Variants in FRZB observed in about 807,000 individuals in gnomAD.
FRZB encodes frizzled related protein.
FRZB carries 34 observed loss-of-function variants against 32.5 expected under a neutral mutation model. The observed-to-expected ratio is 1.05, with a 90% CI of 0.80 to 1.39. FRZB has a LOEUF of 1.39. Among genes scored for constraint, FRZB ranks in the 40% most tolerant of loss-of-function variants. FRZB has a pLI of 0.00. For missense variants in FRZB, 423 were observed against 424.8 expected (o/e 1.00, Z 0.04); for synonymous variants, 170 against 159.2 (o/e 1.07, Z -0.51).
chr2:182,841,810 A>G (rs1429768572), intron 3 of FRZB, among the ~76,000 whole-genome samples: 1 of 152,210 alleles, frequency 6.6e-6, no homozygotes, highest in African/African-American at 2.4e-5. Flanking sequence ...GGCAGCTGAG[A>G]AAATTAAAGA....
chr2:182,849,009 C>T (rs2118589), intron 2 of FRZB, among the ~76,000 whole-genome samples: 1,736 of 152,098 alleles, frequency 0.011, 39 homozygotes, highest in African/African-American at 0.039. Context: ...GGGTGGATCA[C>T]GAGGTCAGGA....
intron 2 of FRZB, among the ~76,000 whole-genome samples, chr2:182,857,253 T>C (rs949906981): frequency 2.6e-5 from 4 of 151,712 alleles, no homozygotes; most frequent in African/African-American, 9.7e-5. Flanking sequence ...TGAAGAAAAA[T>C]GAAACTATCA....
chr2:182,864,969 T>C (rs1695874603), intron 1 of FRZB, among the ~76,000 whole-genome samples: 1 of 152,208 alleles, frequency 6.6e-6, no homozygotes, highest in Non-Finnish European at 1.5e-5. Context: ...TTGGGTTAGT[T>C]GGTAGAAGTA....
At chr2:182,861,463 G>A (rs969503516) in intron 1 of FRZB, among the ~76,000 whole-genome samples, 7 of 152,180 alleles carry the variant, frequency 4.6e-5, no homozygotes, top group African/African-American at 7.2e-5. Context: ...AGGATGACAC[G>A]TCCTCTCCCC....
At chr2:182,850,199 C>A (rs74845397) in intron 2 of FRZB, among the ~76,000 whole-genome samples, 1 of 152,112 alleles carries the variant, frequency 6.6e-6, no homozygotes, top group East Asian at 1.9e-4. Context: ...AGGGTAATAT[C>A]CACCACATTA....
At chr2:182,858,237 C>A (rs1482460329) in intron 2 of FRZB, among the ~76,000 whole-genome samples, 3 of 152,196 alleles carry the variant, frequency 2.0e-5, no homozygotes, top group Non-Finnish European at 4.4e-5. Context: ...TTGCTCCAAA[C>A]TGGAGACAAC....
chr2:182,835,029 T>G, intron 5 of FRZB, 64 bp from the exon 6 acceptor site: 1 of 1,189,002 alleles, frequency 8.4e-7, no homozygotes, highest in East Asian at 2.3e-5. Flanking sequence ...TTTCCATGAT[T>G]CTAACAACTG....
At chr2:182,851,079 G>GT (rs1189306905) in intron 2 of FRZB, among the ~76,000 whole-genome samples, 2 of 151,964 alleles carry the variant, frequency 1.3e-5, no homozygotes, top group African/African-American at 4.8e-5. Context: ...TTTTTGTTTT[G>GT]TTTTTGCTAT....
intron 2 of FRZB, among the ~76,000 whole-genome samples, chr2:182,847,779 T>C (rs1299224845): frequency 6.6e-6 from 1 of 152,198 alleles, no homozygotes; most frequent in Non-Finnish European, 1.5e-5. Flanking sequence ...TTTCATCAAA[T>C]AGAAAGGCAA....
rs1366062663 is a variant in FRZB, at chr2:182,837,953, CT to C, written c.855del (p.Val286LeufsTer6). ...AEKWKDRLGK[K>X]VKRWDMKLRH... ...AACATAAAATACAGGCTTACCTTAA[CT>C]TTTTTACCGAGTCGATCCTTCCACT... On this transcript the variant is annotated frameshift_variant, in exon 5 of 6. Transcript: ENST00000295113. LOFTEE classifies it high-confidence loss of function. 2 of 1,611,186 alleles carry C rather than the reference CT, an allele frequency of 1.2e-6. No homozygotes were observed. The highest frequency in any genetic ancestry group is 8.5e-7 in the Non-Finnish European group (1 of 1,178,196).
Position 182,861,141 on chromosome 2 carries a change from T to C in FRZB, c.479-2308A>G, listed in dbSNP as rs1695827565. ...TTTATTCTCTTAAGCCATAGATAAGTGTACTTCAAAATACAATGAGAAAAC... is the reference window on the plus strand; with the variant it reads ...TTTATTCTCTTAAGCCATAGATAAGCGTACTTCAAAATACAATGAGAAAAC... On this transcript the variant is annotated intron_variant, in intron 1 of 5. Transcript: ENST00000295113. Among the ~76,000 whole-genome samples the C allele has an allele frequency of 2.0e-5, 3 of 152,214 alleles. No individual in the cohort carries two copies. In the South Asian group the frequency reaches 6.2e-4, roughly 32 times the overall value.
Position 182,866,570 on chromosome 2 carries a change from GC to G in FRZB, c.-19del. On this transcript the variant is annotated 5_prime_UTR_variant, in exon 1 of 6. Transcript: ENST00000295113. The surrounding 1 kb of genome is among the most constrained non-coding windows in gnomAD (Gnocchi z 4.5). ...CAGACCATGATCCCGGCAGGATGGG[GC>G]AGGGTGCAGCCGCGCAGTGGACGCC... 1 of 1,429,238 alleles carries G rather than the reference GC, an allele frequency of 7.0e-7. No individual in the cohort carries two copies. Among genetic ancestry groups the G allele is most frequent in the Non-Finnish European group, 9.2e-7 (1 of 1,092,312 alleles). 88.5% of individuals were successfully genotyped at this position (1,429,238 alleles called of 1,614,324 possible).
chr2:182,855,997 G>T (rs1002332605), intron 2 of FRZB, among the ~76,000 whole-genome samples: 1 of 152,118 alleles, frequency 6.6e-6, no homozygotes, highest in Non-Finnish European at 1.5e-5. Flanking sequence ...TATTTTTTAT[G>T]TGCTAAATGT....
At chr2:182,861,407 A>G (rs142963813) in intron 1 of FRZB, among the ~76,000 whole-genome samples, 4 of 152,332 alleles carry the variant, frequency 2.6e-5, no homozygotes, top group South Asian at 2.1e-4. Context: ...CACCTAGAAC[A>G]TAAGTGTTGG....
intron 2 of FRZB, among the ~76,000 whole-genome samples, chr2:182,854,412 G>T (rs192202764): frequency 8.9e-4 from 136 of 152,248 alleles, no homozygotes; most frequent in Admixed American, 2.2e-3. Flanking sequence ...CAGGAAGACT[G>T]GGGGGAGAAA....
chr2:182,866,593 C>A lies in FRZB; in HGVS notation c.-41G>T. On this transcript the variant is annotated 5_prime_UTR_variant, in exon 1 of 6. Transcript: ENST00000295113. This position sits in a 1 kb window ranked among gnomAD's most constrained non-coding sequence, Gnocchi z 4.5. The stretch of plus-strand genomic sequence containing the variant: ...GGGCAGGGTGCAGCCGCGCAGTGGA[C>A]GCCAAAAGGCCCGCTCCGCCGTCTC... The A allele has an allele frequency of 7.4e-7, 1 of 1,344,110 alleles. No homozygotes were observed. The highest frequency in any genetic ancestry group is 9.8e-7 in the Non-Finnish European group (1 of 1,023,374). The allele number at this position is 1,344,110 out of a possible 1,614,324, so 83.3% of individuals were successfully genotyped here. A position where few individuals can be genotyped will look rare whatever the true frequency, so the allele number is the denominator to read the frequency against.
chr2:182,847,628 G>T (rs1394755082), intron 2 of FRZB, among the ~76,000 whole-genome samples: 1 of 152,150 alleles, frequency 6.6e-6, no homozygotes, highest in African/African-American at 2.4e-5. Flanking sequence ...TTGTAAATTG[G>T]TTGGTGGAAT....
chr2:182,836,155 C>T (rs78272361), intron 5 of FRZB, among the ~76,000 whole-genome samples: 10,418 of 151,956 alleles, frequency 0.069, 544 homozygotes, highest in Non-Finnish European at 0.1. Context: ...CATCTTGAAT[C>T]GTCTGCTATA....
intron 4 of FRZB, 89 bp from the exon 5 acceptor site, chr2:182,838,100 T>G: frequency 1.0e-6 from 1 of 1,004,864 alleles, no homozygotes; most frequent in Non-Finnish European, 1.5e-6. Context: ...AAGAAAGACT[T>G]ATATGTTTAT....
Sources: gnomAD v4.1 joint callset for allele counts (sites outside exome capture counted in the v4.1 genomes callset) on GRCh38, gnomAD v4.1.1 for gene constraint, Gnocchi (gnomAD v3.1) non-coding constraint, MANE v1.5 for transcripts, NCBI Gene and HGNC (gene_info 2026-07-23, HGNC 2026-07-21) for gene names.